Variants in SBK2 observed in about 807,000 individuals in gnomAD.
SBK2 encodes the protein SH3 domain binding kinase family member 2.
SBK2 carries 18 observed loss-of-function variants against 15.9 expected under a neutral mutation model. The ratio of observed to expected loss-of-function variants is 1.13; its 90% CI spans 0.78 to 1.68. SBK2 has a LOEUF of 1.68. Ranked by LOEUF, SBK2 falls within the 40% of genes most tolerant of loss-of-function variation. The pLI, the probability that SBK2 is intolerant of heterozygous loss-of-function variation, is 0.00. For missense variants in SBK2, 581 were observed against 510.9 expected (o/e 1.14, Z -1.32); for synonymous variants, 284 against 246.8 (o/e 1.15, Z -1.41).
chr19:55,536,083 C>A lies in SBK2; in HGVS notation c.212G>T (p.Gly71Val), dbSNP rs1264561901. ...LYEEVRPLGQ[G>V]CYGRVLLVTH... ...GACCAGAAGGACGCGGCCATAGCAA[C>A]CCTGGCCCAGGGGACGCACTTCCTC... is the stretch of plus-strand genomic sequence containing the variant. Residue 71 changes from glycine (G) to valine (V), a missense_variant, in exon 2 of 4, where the codon GGT becomes GTT. Gly to Val is a moderately radical substitution (Grantham distance 109, BLOSUM62 -3). Coordinates refer to ENST00000413299, the MANE Select transcript of SBK2 (RefSeq NM_001370096.2). 4.0e-6 allele frequency: 6 copies of A among 1,516,662 alleles called. No individual in the cohort carries two copies. In the African/African-American group the frequency reaches 8.4e-5, roughly 21 times the overall value. The allele number at this position is 1,516,662 out of a possible 1,614,324, so 94.0% of individuals were successfully genotyped here.
In SBK2 at chr19:55,528,669, A is replaced by G. The variant is rs534358910; in HGVS notation, c.*1064T>C. 7.0e-4 allele frequency among the ~76,000 whole-genome samples: 106 copies of G among 152,312 alleles called. No homozygotes were observed. The highest frequency in any genetic ancestry group is 2.5e-3 in the African/African-American group (102 of 41,574). ...GCTGGGGCGAGAGAAGGCAAAACAC[A>G]TCACAGAGAGGGTGGTGCCAGGTGG... On this transcript the variant is annotated 3_prime_UTR_variant, in exon 4 of 4. Transcript: ENST00000413299.
chr19:55,531,270 C>T lies in SBK2; in HGVS notation c.329G>A (p.Gly110Glu). The change falls in exon 3 of 4, where the codon GGG (glycine) becomes GAG (glutamate). Residue 110 changes from glycine (G) to glutamate (E), a missense_variant. Gly to Glu is a moderately conservative substitution (Grantham distance 98). Coordinates refer to ENST00000413299, the MANE Select transcript of SBK2 (RefSeq NM_001370096.2). ...LRGFLYEFCVGLSLGAHSAIV... is the reference protein window; with the variant it reads ...LRGFLYEFCVELSLGAHSAIV... ...GGCTGAGTGCGCGCCCAGCGAGAGCCCCACACAGAACTCGTACAGGAAGCC... is the reference window on the plus strand; with the variant it reads ...GGCTGAGTGCGCGCCCAGCGAGAGCTCCACACAGAACTCGTACAGGAAGCC... The T allele has an allele frequency of 6.2e-7, 1 of 1,613,742 alleles. No homozygotes were observed. The highest frequency in any genetic ancestry group is 1.6e-4 in the Middle Eastern group (1 of 6,062).
Position 55,536,117 on chromosome 19 carries a change from C to A in SBK2, c.178G>T (p.Glu60Ter). 6.4e-7 allele frequency: 1 copy of A among 1,553,888 alleles called. No individual in the cohort carries two copies. The highest frequency in any genetic ancestry group is 8.7e-7 in the Non-Finnish European group (1 of 1,147,612). Reference protein sequence around the residue: ...AQTLVRAEVDELYEEVRPLGQ... With the variant: ...AQTLVRAEVD ...AGGGGACGCACTTCCTCGTAGAGCTCGTCCACCTCGGCTCGGACCAGGGTC... is the reference window on the plus strand; with the variant it reads ...AGGGGACGCACTTCCTCGTAGAGCTAGTCCACCTCGGCTCGGACCAGGGTC... Residue 60 changes from glutamate (E) to a stop codon, truncating the protein, a stop_gained, in exon 2 of 4, where the codon GAG becomes TAG. Coordinates refer to ENST00000413299, the MANE Select transcript of SBK2 (RefSeq NM_001370096.2). LOFTEE classifies it high-confidence loss of function.
intron 2 of SBK2, among the ~76,000 whole-genome samples, chr19:55,531,632 C>T (rs1402082193): frequency 6.6e-6 from 1 of 152,180 alleles, no homozygotes; most frequent in African/African-American, 2.4e-5. Context: ...TCCGTTGAGG[C>T]CAGGAGTTTG....
intron 2 of SBK2, 47 bp from the exon 3 acceptor site, chr19:55,531,392 C>T: frequency 6.9e-7 from 1 of 1,447,830 alleles, no homozygotes; most frequent in Non-Finnish European, 9.5e-7. Context: ...AGCCAAGGGC[C>T]ACCTGGGCCA....
rs114611221 is a variant in SBK2, at chr19:55,536,392, T to C, written c.-2-96A>G. 7,586 of 988,756 alleles carry C rather than the reference T, an allele frequency of 7.7e-3. 69 individuals are homozygous for C. In the African/African-American group the frequency reaches 0.1, roughly 13 times the overall value. 61.2% of individuals were successfully genotyped at this position (988,756 alleles called of 1,614,324 possible). ...CTCCTGGGTCTGAGGGAGGAGGGGC[T>C]GGGGGCTCATCGCGCTTCTCATTGT... On this transcript the variant is annotated intron_variant, in intron 1 of 3. Coordinates refer to ENST00000413299, the MANE Select transcript of SBK2 (RefSeq NM_001370096.2).
chr19:55,531,269 C>T lies in SBK2; in HGVS notation c.330G>A (p.Gly110=), dbSNP rs756685850. The change falls in exon 3 of 4, where the codon GGG becomes GGA. Residue 110 remains glycine (G), a synonymous_variant. Transcript: ENST00000413299. The part of the protein sequence containing the change: ...LRGFLYEFCV[G]LSLGAHSAIV... ...TGGCTGAGTGCGCGCCCAGCGAGAGCCCCACACAGAACTCGTACAGGAAGC... is the reference window on the plus strand; with the variant it reads ...TGGCTGAGTGCGCGCCCAGCGAGAGTCCCACACAGAACTCGTACAGGAAGC... 3 of 1,613,606 alleles carry T rather than the reference C, an allele frequency of 1.9e-6. No homozygotes were observed. Among genetic ancestry groups the T allele is most frequent in the South Asian group, 2.2e-5 (2 of 91,060 alleles).
In SBK2 at chr19:55,530,145, G is replaced by A. The variant is rs1232515453; in HGVS notation, c.635C>T (p.Thr212Met). The A allele has an allele frequency of 8.0e-6, 12 of 1,497,578 alleles. No homozygotes were observed. Among genetic ancestry groups the A allele is most frequent in the African/African-American group, 4.3e-5 (3 of 69,186 alleles). 92.8% of individuals were successfully genotyped at this position (1,497,578 alleles called of 1,614,324 possible). ...GGGCGGCCCGGCCAGGCGCAGCAGC[G>A]TCCCGCGAGGCCTCGTGTGGCCGAA... is the stretch of plus-strand genomic sequence containing the variant. ...TDFGHTRPRG[T>M]LLRLAGPPIP... The change falls in exon 4 of 4, where the codon ACG (threonine) becomes ATG (methionine). Residue 212 changes from threonine to methionine, a missense_variant. Physicochemically the swap from Thr to Met is moderately conservative, Grantham distance 81. Transcript: ENST00000413299.
At chr19:55,531,446 G>T in intron 2 of SBK2, 101 bp from the exon 3 acceptor site, 1 of 902,364 alleles carries the variant, frequency 1.1e-6, no homozygotes, top group Non-Finnish European at 1.7e-6. Flanking sequence ...CCCTCAGCTT[G>T]GACTCTTTCC....
rs771776639 is a variant in SBK2 at position 55,529,752 on chromosome 19, T to C, written c.1028A>G (p.Glu343Gly). ...EGEAEAVGAV[E>G]EEAGQ ...GCCTCCTCACTGCCCAGCCTCCTCT[T>C]CCACCGCTCCCACTGCCTCCGCCTC... The change falls in exon 4 of 4, where the codon GAA (glutamate) becomes GGA (glycine). Residue 343 changes from glutamate to glycine, a missense_variant. Transcript: ENST00000413299. The C allele has an allele frequency of 6.2e-7, 1 of 1,601,632 alleles. No individual in the cohort carries two copies. Among genetic ancestry groups the C allele is most frequent in the Non-Finnish European group, 8.5e-7 (1 of 1,179,576 alleles).
Position 55,528,874 on chromosome 19 carries a change from A to C in SBK2, c.*859T>G, listed in dbSNP as rs1988173902. ...GAAGGCGGCAAAGACCCCCGACTCCAGGAGCTCACAAAATAACCACAAAAA... is the reference window on the plus strand; with the variant it reads ...GAAGGCGGCAAAGACCCCCGACTCCCGGAGCTCACAAAATAACCACAAAAA... On this transcript the variant is annotated 3_prime_UTR_variant, in exon 4 of 4. Transcript: ENST00000413299. Among the ~76,000 whole-genome samples, 1 of 152,250 alleles carries C rather than the reference A, an allele frequency of 6.6e-6. No homozygotes were observed. Among genetic ancestry groups the C allele is most frequent in the South Asian group, 2.1e-4 (1 of 4,832 alleles).
At position 55,530,017 on chromosome 19, in the gene SBK2, A is replaced by G. The variant is rs1433093270; in HGVS notation, c.763T>C (p.Cys255Arg). Residue 255 changes from cysteine (C) to arginine (R), a missense_variant, in exon 4 of 4, where the codon TGC becomes CGC. By Grantham distance (180) the Cys-to-Arg change is radical. Coordinates refer to ENST00000413299, the MANE Select transcript of SBK2 (RefSeq NM_001370096.2). ...DAWALGVLLF[C>R]LLTGYFPWDR... ...CAGGGGAAGTAGCCCGTGAGGAGGC[A>G]GAAGAGCAGGACGCCCAGCGCCCAG... 2 of 1,514,840 alleles carry G rather than the reference A, an allele frequency of 1.3e-6. No homozygotes were observed. The highest frequency in any genetic ancestry group is 1.8e-6 in the Non-Finnish European group (2 of 1,134,464). The allele number at this position is 1,514,840 out of a possible 1,614,324, so 93.8% of individuals were successfully genotyped here. A position where few individuals can be genotyped will look rare whatever the true frequency, so the allele number is the denominator to read the frequency against.
Position 55,529,909 on chromosome 19 carries a change from GA to G in SBK2, c.870del (p.Gln291SerfsTer28). The stretch of plus-strand genomic sequence containing the variant: ...GCGGCGGCCAGGCCGAACCAGGGCT[GA>G]GGGCGGTCCCGGGGCTGGCCCGACG... ...WQASGQPRDR[P>X]QPWFGLAAAA... On this transcript the variant is annotated frameshift_variant, in exon 4 of 4. Transcript: ENST00000413299. LOFTEE classifies it low-confidence loss of function (END_TRUNC). 2 of 1,554,784 alleles carry G rather than the reference GA, an allele frequency of 1.3e-6. No individual in the cohort carries two copies.
In SBK2 at chr19:55,529,029, C is replaced by G. The variant is rs1251044266; in HGVS notation, c.*704G>C. 6.6e-6 allele frequency among the ~76,000 whole-genome samples: 1 copy of G among 152,212 alleles called. No homozygotes were observed. The highest frequency in any genetic ancestry group is 2.4e-5 in the African/African-American group (1 of 41,450). ...CACTGCGGGAGGCCGAGGTGGGAGA[C>G]TCGCTCCAGGCCAGGAATTTGAGAC... On this transcript the variant is annotated 3_prime_UTR_variant, in exon 4 of 4. Coordinates refer to ENST00000413299, the MANE Select transcript of SBK2 (RefSeq NM_001370096.2).
rs199758885 is a variant in SBK2, at chr19:55,536,266, G to A, written c.29C>T (p.Pro10Leu). MPGKQSEEG[P>L]AEAGASEDSE... is the part of the protein sequence containing the mutation. ...GTCCTCCGAAGCCCCTGCCTCCGCC[G>A]GCCCTTCCTCAGACTGTTTGCCGGG... Residue 10 changes from proline to leucine, a missense_variant, in exon 2 of 4, where the codon CCG (proline) becomes CTG (leucine). Physicochemically the swap from Pro to Leu is moderately conservative, Grantham distance 98. Transcript: ENST00000413299. 4.7e-5 allele frequency: 75 copies of A among 1,586,630 alleles called. No individual in the cohort carries two copies. Among genetic ancestry groups the A allele is most frequent in the Non-Finnish European group, 1.3e-5 (15 of 1,170,438 alleles).
intron 2 of SBK2, 86 bp from the exon 3 acceptor site, chr19:55,531,431 A>C: frequency 9.8e-7 from 1 of 1,018,742 alleles, no homozygotes; most frequent in Non-Finnish European, 1.5e-6. Context: ...GGTCCCCTCA[A>C]TGGCCCCTCA....
intron 2 of SBK2, among the ~76,000 whole-genome samples, chr19:55,532,605 T>TCCC (rs1568492101): frequency 6.7e-6 from 1 of 148,372 alleles, no homozygotes; most frequent in Non-Finnish European, 1.5e-5. Context: ...CCCGCCCTTT[T>TCCC]TTTTTTTTTT....
At chr19:55,531,444 T>C (rs1442262103) in intron 2 of SBK2, 99 bp from the exon 3 acceptor site, 2 of 910,318 alleles carry the variant, frequency 2.2e-6, no homozygotes, top group African/African-American at 1.6e-5. Flanking sequence ...GCCCCTCAGC[T>C]TGGACTCTTT....
At chr19:55,533,695 A>G (rs1223462595) in intron 2 of SBK2, among the ~76,000 whole-genome samples, 2 of 142,666 alleles carry the variant, frequency 1.4e-5, no homozygotes, top group Admixed American at 7.3e-5. Context: ...AAAAAAAAAA[A>G]AAAGAAAAAG....
Sources: gnomAD v4.1 joint callset for allele counts (sites outside exome capture counted in the v4.1 genomes callset) on GRCh38, gnomAD v4.1.1 for gene constraint, MANE v1.5 for transcripts, NCBI Gene and HGNC (gene_info 2026-07-23, HGNC 2026-07-21) for gene names.